Variants in ASIC2 observed in about 807,000 individuals in gnomAD.
The protein encoded by ASIC2 is acid-sensing ion channel 2.
ASIC2 carries 25 observed loss-of-function variants against 57.3 expected under a neutral mutation model. That is an observed-to-expected ratio of 0.44 (90% CI 0.32 to 0.61). The LOEUF (loss-of-function observed/expected upper bound fraction) is 0.61. Among genes scored for constraint, ASIC2 ranks in the 20% least tolerant of loss-of-function variants. ASIC2 has a pLI of 0.06. For synonymous variants in ASIC2, 319 were observed against 307.5 expected (o/e 1.04, Z -0.39); for missense variants, 641 against 738.1 (o/e 0.87, Z 1.52).
intron 4 of ASIC2, 123 bp from the exon 5 acceptor site, chr17:33,026,105 A>T: frequency 2.9e-6 from 3 of 1,018,330 alleles, no homozygotes; most frequent in South Asian, 3.1e-5. Flanking sequence ...GCGGCCTGCC[A>T]GTGGGCAGTT....
chr17:33,667,403 A>G (rs1219159533), intron 1 of ASIC2, among the ~76,000 whole-genome samples: 2 of 152,186 alleles, frequency 1.3e-5, no homozygotes, highest in African/African-American at 2.4e-5. Context: ...CATAGAACAC[A>G]AGGCTGTTAA....
chr17:33,088,291 G>A (rs1472994883), intron 3 of ASIC2, among the ~76,000 whole-genome samples: 3 of 152,114 alleles, frequency 2.0e-5, no homozygotes, highest in African/African-American at 4.8e-5. Flanking sequence ...TGTAAGACTC[G>A]CTTCAGACGT....
intron 1 of ASIC2, among the ~76,000 whole-genome samples, chr17:34,045,892 C>A (rs1339401162): frequency 6.6e-6 from 1 of 152,166 alleles, no homozygotes; most frequent in Non-Finnish European, 1.5e-5. Flanking sequence ...GGCTGCCTTG[C>A]AAATTGCTTT....
chr17:33,984,597 CT>C (rs1459999386), intron 1 of ASIC2, among the ~76,000 whole-genome samples: 1 of 152,222 alleles, frequency 6.6e-6, no homozygotes, highest in African/African-American at 2.4e-5. Flanking sequence ...GATGCAGACA[CT>C]TGTGCATCCC....
At chr17:33,760,464 G>A (rs2142111839) in intron 1 of ASIC2, among the ~76,000 whole-genome samples, 1 of 152,026 alleles carries the variant, frequency 6.6e-6, no homozygotes, top group South Asian at 2.1e-4. Context: ...AGATATAAGT[G>A]TGTGTGTATA....
intron 1 of ASIC2, among the ~76,000 whole-genome samples, chr17:33,845,682 C>A (rs967025572): frequency 1.3e-5 from 2 of 152,182 alleles, no homozygotes; most frequent in Non-Finnish European, 2.9e-5. Flanking sequence ...CCTGTTAGAA[C>A]TCTTTCTCCC....
chr17:34,056,063 T>C (rs1406980840), intron 1 of ASIC2, among the ~76,000 whole-genome samples: 2 of 152,140 alleles, frequency 1.3e-5, no homozygotes, highest in Non-Finnish European at 2.9e-5. Context: ...GAAATATATA[T>C]TGATAAATAC....
chr17:33,388,482 AG>A (rs1327068461), intron 1 of ASIC2, among the ~76,000 whole-genome samples: 12 of 152,314 alleles, frequency 7.9e-5, no homozygotes, highest in Middle Eastern at 3.4e-3. Context: ...GGTGGGTGGA[AG>A]TTCCAGCCAT....
At chr17:33,314,710 G>T in intron 1 of ASIC2, among the ~76,000 whole-genome samples, 1 of 152,176 alleles carries the variant, frequency 6.6e-6, no homozygotes, top group East Asian at 1.9e-4. Context: ...CAAGTCAGGG[G>T]CTCTGACACA....
intron 1 of ASIC2, among the ~76,000 whole-genome samples, chr17:33,148,262 C>T (rs981596060): frequency 6.6e-6 from 1 of 152,178 alleles, no homozygotes; most frequent in Non-Finnish European, 1.5e-5. Context: ...CCATATGCTA[C>T]CCACATAAGC....
intron 1 of ASIC2, among the ~76,000 whole-genome samples, chr17:33,212,595 A>G (rs1907321693): frequency 1.3e-5 from 2 of 152,222 alleles, no homozygotes; most frequent in Admixed American, 1.3e-4. Context: ...CACACTTTCC[A>G]AAGCAAGAGG....
chr17:33,700,370 A>T (rs1442135277), intron 1 of ASIC2, among the ~76,000 whole-genome samples: 1 of 152,190 alleles, frequency 6.6e-6, no homozygotes, highest in Non-Finnish European at 1.5e-5. Context: ...CAGGAAATTA[A>T]CACAAAGAGA....
intron 1 of ASIC2, among the ~76,000 whole-genome samples, chr17:33,192,154 G>A (rs1906445654): frequency 1.3e-5 from 2 of 152,124 alleles, no homozygotes; most frequent in South Asian, 4.2e-4. Context: ...TGTAAATGGA[G>A]ACAAGATCCT....
intron 1 of ASIC2, among the ~76,000 whole-genome samples, chr17:33,255,787 A>C (rs1909046623): frequency 6.6e-6 from 1 of 152,238 alleles, no homozygotes; most frequent in African/African-American, 2.4e-5. Context: ...CAGGCATGTC[A>C]AAATGTTATC....
chr17:33,228,309 CGAT>C (rs1907960808), intron 1 of ASIC2, among the ~76,000 whole-genome samples: 1 of 152,036 alleles, frequency 6.6e-6, no homozygotes, highest in Admixed American at 6.5e-5. Flanking sequence ...ACTTGAAAAA[CGAT>C]GGTGAATTTT....
intron 1 of ASIC2, among the ~76,000 whole-genome samples, chr17:34,144,546 A>G (rs1423083075): frequency 1.3e-5 from 2 of 152,208 alleles, no homozygotes; most frequent in Admixed American, 6.5e-5. Context: ...AAAACAGCTG[A>G]CATTCCACAT....
intron 1 of ASIC2, among the ~76,000 whole-genome samples, chr17:33,582,954 C>G (rs1166117442): frequency 1.3e-5 from 2 of 152,172 alleles, no homozygotes; most frequent in African/African-American, 4.8e-5. Flanking sequence ...TGGAATTCAT[C>G]AGCAAATAAC....
intron 3 of ASIC2, among the ~76,000 whole-genome samples, chr17:33,032,851 T>A (rs1357674012): frequency 6.6e-6 from 1 of 152,252 alleles, no homozygotes; most frequent in Non-Finnish European, 1.5e-5. Context: ...TCATTGTTCA[T>A]CATGCTTCTT....
intron 1 of ASIC2, among the ~76,000 whole-genome samples, chr17:33,879,287 G>T (rs1346162377): frequency 1.3e-5 from 2 of 152,162 alleles, no homozygotes; most frequent in Non-Finnish European, 2.9e-5. Flanking sequence ...TGGGCTAAAT[G>T]CTCCAATTAA....
Sources: allele counts gnomAD v4.1 joint callset (sites outside exome capture counted in the v4.1 genomes callset), GRCh38; gene constraint gnomAD v4.1.1; transcripts MANE v1.5; gene names NCBI Gene and HGNC (gene_info 2026-07-23, HGNC 2026-07-21).